ADGB: variants seen among roughly 807,000 people sequenced by gnomAD.
ADGB encodes the protein androglobin, also known as calpain-7-like protein.
Under a neutral mutation model 210.5 loss-of-function variants are expected in ADGB, and 172 were observed. That is an observed-to-expected ratio of 0.82 (90% CI 0.72 to 0.93). The LOEUF (loss-of-function observed/expected upper bound fraction) is 0.93. ADGB is among the 40% of genes least tolerant of loss of function. ADGB has a pLI of 0.00. For missense variants in ADGB, 2,025 were observed against 1,964.8 expected (o/e 1.03, Z -0.58); for synonymous variants, 658 against 662.7 (o/e 0.99, Z 0.11).
Position 146,784,802 on chromosome 6 carries a change from G to T in ADGB, c.4212+8G>T, listed in dbSNP as rs1777850286. 4.6e-6 allele frequency: 7 copies of T among 1,538,276 alleles called. No individual in the cohort carries two copies. In the South Asian group the frequency reaches 8.6e-5, roughly 19 times the overall value. On this transcript the variant is annotated splice_region_variant and intron_variant, in intron 31 of 35. Transcript: ENST00000397944. ...CCAGGAAGAGCAATCAAGGTCACCT[G>T]ATTTCGAAAAGCTGTCATCTTTTAC...
rs1778378019 is a variant in ADGB, at chr6:146,815,452, G to C, written c.*235G>C. 1 of 272,606 alleles carries C rather than the reference G, an allele frequency of 3.7e-6. No homozygotes were observed. Among genetic ancestry groups the C allele is most frequent in the African/African-American group, 2.2e-5 (1 of 45,184 alleles). 16.9% of individuals were successfully genotyped at this position (272,606 alleles called of 1,614,324 possible). ...TCCAAATATTTAATAAAATATGTTT[G>C]ACACTCTAAACTGCCTGCATTTTTA... On this transcript the variant is annotated 3_prime_UTR_variant, in exon 36 of 36. Transcript: ENST00000397944.
rs140693407 is a variant in ADGB at position 146,751,808 on chromosome 6, G to A, written c.3366-722G>A. On this transcript the variant is annotated intron_variant, in intron 26 of 35. Coordinates refer to ENST00000397944, the MANE Select transcript of ADGB (RefSeq NM_024694.4). ...GAAGCGTCTGTTTATATCCTTTGTA[G>A]GGCTATCAAGTTTTATAAGTGACTG... is the stretch of plus-strand genomic sequence containing the variant. Among the ~76,000 whole-genome samples the A allele has an allele frequency of 1.2e-3, 180 of 151,938 alleles. 1 individual carries two copies. Among genetic ancestry groups the A allele is most frequent in the African/African-American group, 4.1e-3 (172 of 41,472 alleles).
chr6:146,652,194 T>C (rs1216406451), intron 3 of ADGB, among the ~76,000 whole-genome samples: 1 of 152,228 alleles, frequency 6.6e-6, no homozygotes, highest in African/African-American at 2.4e-5. Context: ...ACTTAATTTC[T>C]ACTTTTCACT....
chr6:146,606,494 T>C (rs544662607), intron 1 of ADGB, among the ~76,000 whole-genome samples: 2 of 152,298 alleles, frequency 1.3e-5, no homozygotes, highest in Admixed American at 1.3e-4. Flanking sequence ...GAATGGTATC[T>C]CCTAGGTTTT....
At chr6:146,702,658 C>T (rs1473850320) in intron 13 of ADGB, among the ~76,000 whole-genome samples, 1 of 150,710 alleles carries the variant, frequency 6.6e-6, no homozygotes, top group Non-Finnish European at 1.5e-5. Flanking sequence ...TTAATATATG[C>T]TGGAGATAAT....
chr6:146,768,314 C>A (rs142754347), intron 28 of ADGB, among the ~76,000 whole-genome samples: 1 of 152,002 alleles, frequency 6.6e-6, no homozygotes, highest in Non-Finnish European at 1.5e-5. Flanking sequence ...GAAAAAAGAG[C>A]AAAGTGTGTC....
intron 29 of ADGB, among the ~76,000 whole-genome samples, chr6:146,771,840 T>C (rs1299674779): frequency 1.3e-5 from 2 of 152,240 alleles, no homozygotes; most frequent in African/African-American, 4.8e-5. Flanking sequence ...TCCACTTTGT[T>C]CTTCAAGTTA....
Position 146,788,674 on chromosome 6 carries a change from T to A in ADGB, c.4537+64T>A, listed in dbSNP as rs1777915108. 1.4e-5 allele frequency: 20 copies of A among 1,447,954 alleles called. No individual in the cohort carries two copies. In the Admixed American group the frequency reaches 4.0e-4, roughly 29 times the overall value. 89.7% of individuals were successfully genotyped at this position (1,447,954 alleles called of 1,614,324 possible). On this transcript the variant is annotated intron_variant, in intron 33 of 35. Transcript: ENST00000397944. ...TCAAATAAAAATTATGGAAAAGATT[T>A]TAACTTAAACATCAGTGACGGCTAG... is the stretch of plus-strand genomic sequence containing the variant.
At chr6:146,708,976 T>C (rs1776618832) in intron 13 of ADGB, among the ~76,000 whole-genome samples, 1 of 152,190 alleles carries the variant, frequency 6.6e-6, no homozygotes. Flanking sequence ...GCTTGTCTGC[T>C]TGATTGATTC....
intron 12 of ADGB, among the ~76,000 whole-genome samples, chr6:146,695,967 AT>A (rs1776396239): frequency 6.6e-6 from 1 of 152,172 alleles, no homozygotes; most frequent in South Asian, 2.1e-4. Context: ...AATCAATTTT[AT>A]TTAATAAATA....
At chr6:146,658,873 T>A (rs1021831344) in intron 5 of ADGB, among the ~76,000 whole-genome samples, 3 of 152,152 alleles carry the variant, frequency 2.0e-5, no homozygotes, top group African/African-American at 7.2e-5. Context: ...CTCAGTGGTC[T>A]CATCAGAGGA....
At chr6:146,784,920 A>T in intron 31 of ADGB, 126 bp downstream of exon 31, 1 of 966,492 alleles carries the variant, frequency 1.0e-6, no homozygotes, top group Non-Finnish European at 1.5e-6. Context: ...ATTTTATCAG[A>T]CAGGCATTGA....
chr6:146,672,122 T>C (rs996986005), intron 7 of ADGB, 98 bp from the exon 8 acceptor site: 122 of 1,370,820 alleles, frequency 8.9e-5, no homozygotes, highest in Middle Eastern at 3.7e-4. Flanking sequence ...AATTATTCAT[T>C]AAATAGCAAG....
intron 7 of ADGB, among the ~76,000 whole-genome samples, chr6:146,668,861 T>A (rs1268851794): frequency 1.3e-5 from 2 of 152,056 alleles, no homozygotes; most frequent in Non-Finnish European, 2.9e-5. Context: ...CATGTCTGAG[T>A]GGGAATTAGA....
chr6:146,676,396 A>T lies in ADGB; in HGVS notation c.1171A>T (p.Arg391Ter). ...ATTCAAATTCTCACTTCATGGTTCA[A>T]GACCCTCATCAGAAGTGCAGTACTC... ...EKFKFSLHGS[R>*]PSSEVQYSVQ... The change falls in exon 9 of 36, where the codon AGA becomes TGA. Residue 391 changes from arginine to a stop codon, truncating the protein, a stop_gained. Coordinates refer to ENST00000397944, the MANE Select transcript of ADGB (RefSeq NM_024694.4). LOFTEE classifies it high-confidence loss of function. The T allele has an allele frequency of 6.5e-7, 1 of 1,547,724 alleles. No individual in the cohort carries two copies. The highest frequency in any genetic ancestry group is 8.7e-7 in the Non-Finnish European group (1 of 1,144,544).
At chr6:146,759,544 T>C (rs1037153479) in intron 27 of ADGB, among the ~76,000 whole-genome samples, 3 of 151,770 alleles carry the variant, frequency 2.0e-5, no homozygotes, top group Non-Finnish European at 4.4e-5. Flanking sequence ...TATGGTTATA[T>C]TAGGCTCCTA....
At chr6:146,617,359 A>C (rs1276501658) in intron 1 of ADGB, among the ~76,000 whole-genome samples, 2 of 152,080 alleles carry the variant, frequency 1.3e-5, no homozygotes, top group Non-Finnish European at 2.9e-5. Context: ...AGGTTTCTCT[A>C]AACATAAGAT....
chr6:146,786,958 T>C (rs150981224), intron 32 of ADGB, among the ~76,000 whole-genome samples: 1,727 of 152,038 alleles, frequency 0.011, 19 homozygotes, highest in Middle Eastern at 0.037. Context: ...CAGGAACAAG[T>C]GGGGAATTAA....
At chr6:146,727,702 C>T (rs1299826632) in intron 19 of ADGB, among the ~76,000 whole-genome samples, 1 of 152,158 alleles carries the variant, frequency 6.6e-6, no homozygotes, top group Non-Finnish European at 1.5e-5. Context: ...CTACTTAGAA[C>T]CATAATTGAT....
Sources: allele counts gnomAD v4.1 joint callset (sites outside exome capture counted in the v4.1 genomes callset), GRCh38; gene constraint gnomAD v4.1.1; transcripts MANE v1.5; gene names NCBI Gene and HGNC (gene_info 2026-07-23, HGNC 2026-07-21).